Variants in SRSF12 observed in about 807,000 individuals in gnomAD.
SRSF12 encodes serine/arginine-rich splicing factor 12.
SRSF12 carries 21 observed loss-of-function variants against 34.1 expected under a neutral mutation model. The ratio of observed to expected loss-of-function variants is 0.62; its 90% confidence interval spans 0.44 to 0.89. The LOEUF is 0.89. Among genes scored for constraint, SRSF12 ranks in the 40% least tolerant of loss-of-function variants. The pLI is 0.00. For missense variants in SRSF12, 278 were observed against 327.8 expected (o/e 0.85, Z 1.17); for synonymous variants, 111 against 110.8 (o/e 1.00, Z -0.01).
Position 89,099,126 on chromosome 6 carries a change from A to G in SRSF12, c.417-179T>C, listed in dbSNP as rs918769111. Among the ~76,000 whole-genome samples, 10 of 152,212 alleles carry G rather than the reference A, an allele frequency of 6.6e-5. No individual in the cohort carries two copies. In the Middle Eastern group the frequency reaches 0.014, roughly 207 times the overall value. On this transcript the variant is annotated intron_variant, in intron 4 of 4. Coordinates refer to ENST00000452027, the MANE Select transcript of SRSF12 (RefSeq NM_080743.5). ...TTCAAACATAAGTAACAAGTTTGTA[A>G]TATTTGTTATACTAGAATATATGGC...
intron 1 of SRSF12, 91 bp downstream of exon 1, chr6:89,117,711 GGAGGCTCCGCGCAGCTCCCCC>G: frequency 1.8e-6 from 2 of 1,096,110 alleles, no homozygotes; most frequent in Non-Finnish European, 2.4e-6. Flanking sequence ...GGGCCCGCGG[GGAGGCTCCGCGCAGCTCCCCC>G]GAGCCTCCGC....
intron 1 of SRSF12, among the ~76,000 whole-genome samples, chr6:89,110,413 T>A (rs976505212): frequency 4.6e-5 from 7 of 152,166 alleles, no homozygotes; most frequent in Non-Finnish European, 8.8e-5. Flanking sequence ...TTACACCCTA[T>A]GTAAATGAAG....
At position 89,098,815 on chromosome 6, in the gene SRSF12, C is replaced by G. The variant is rs1449429376; in HGVS notation, c.549G>C (p.Lys183Asn). The change falls in exon 5 of 5, where the codon AAG (lysine) becomes AAC (asparagine). Residue 183 changes from lysine to asparagine, a missense_variant. Transcript: ENST00000452027. ...TTGACTTGGACCTCTTTTGTAAGGA[C>G]TTGGACCTTGACCGTCCTCTAGAGC... Reference protein sequence around the residue: ...NFGSRGRSRSKSLQKRSKSIG... With the variant: ...NFGSRGRSRSNSLQKRSKSIG... 1 of 1,613,908 alleles carries G rather than the reference C, an allele frequency of 6.2e-7. No homozygotes were observed. Among genetic ancestry groups the G allele is most frequent in the African/African-American group, 1.3e-5 (1 of 75,008 alleles).
chr6:89,112,779 C>A (rs891492756), intron 1 of SRSF12, among the ~76,000 whole-genome samples: 6 of 152,108 alleles, frequency 3.9e-5, no homozygotes, highest in African/African-American at 1.4e-4. Context: ...CACCACATAA[C>A]AATGTTTCAG....
Position 89,105,187 on chromosome 6 carries a change from G to A in SRSF12, c.348C>T (p.Ser116=). The change falls in exon 4 of 5, where the codon AGC becomes AGT. Residue 116 remains serine, a synonymous_variant. Coordinates refer to ENST00000452027, the MANE Select transcript of SRSF12 (RefSeq NM_080743.5). ...AACTTCTACTTCGAGTTCTTCTTTG[G>A]CTGGGGCTTCTTGATCTCCTGTGAT... ...PSDHRRSRSP[S]QRRTRSRSSS... The A allele has an allele frequency of 6.2e-7, 1 of 1,612,096 alleles. No homozygotes were observed. Among genetic ancestry groups the A allele is most frequent in the Non-Finnish European group, 8.5e-7 (1 of 1,179,032 alleles).
chr6:89,101,308 A>G (rs999128487), intron 4 of SRSF12, among the ~76,000 whole-genome samples: 3 of 152,236 alleles, frequency 2.0e-5, no homozygotes, highest in African/African-American at 7.2e-5. Context: ...ATAGAATTTT[A>G]CAAAACTAAC....
rs371968971 is a variant in SRSF12 at position 89,099,415 on chromosome 6, CAT to C, written c.417-470_417-469del. Among the ~76,000 whole-genome samples, 208 of 140,436 alleles carry C rather than the reference CAT, an allele frequency of 1.5e-3. 7 individuals are homozygous for C. Among genetic ancestry groups the C allele is most frequent in the African/African-American group, 5.5e-3 (193 of 35,036 alleles). 92.1% of individuals were successfully genotyped at this position (140,436 alleles called of 152,430 possible). A position where few individuals can be genotyped will look rare whatever the true frequency, so the allele number is the denominator to read the frequency against. On this transcript the variant is annotated intron_variant, in intron 4 of 4. Coordinates refer to ENST00000452027, the MANE Select transcript of SRSF12 (RefSeq NM_080743.5). ...CTCTCTCTCTCTCCATATATATATA[CAT>C]ATATATATGTGTGTATATATATACA...
chr6:89,107,705 C>T (rs2127993692), intron 1 of SRSF12, among the ~76,000 whole-genome samples: 1 of 152,104 alleles, frequency 6.6e-6, no homozygotes, highest in East Asian at 1.9e-4. Context: ...CACTGCACTC[C>T]ATCCAGCCTG....
At chr6:89,115,385 C>A (rs1000106183) in intron 1 of SRSF12, among the ~76,000 whole-genome samples, 1 of 151,960 alleles carries the variant, frequency 6.6e-6, no homozygotes, top group Non-Finnish European at 1.5e-5. Flanking sequence ...GGGGTTCAAG[C>A]GATTCTCGTG....
chr6:89,103,174 C>G (rs1768615949), intron 4 of SRSF12, among the ~76,000 whole-genome samples: 1 of 152,096 alleles, frequency 6.6e-6, no homozygotes, highest in Non-Finnish European at 1.5e-5. Flanking sequence ...TCCTTCCATC[C>G]CTGATACTCC....
intron 1 of SRSF12, among the ~76,000 whole-genome samples, chr6:89,109,571 A>C (rs1768950843): frequency 6.6e-6 from 1 of 152,164 alleles, no homozygotes; most frequent in Admixed American, 6.6e-5. Context: ...ATCATAGATA[A>C]TATAAAAGAG....
chr6:89,113,630 A>C (rs772471626), intron 1 of SRSF12, among the ~76,000 whole-genome samples: 2 of 152,132 alleles, frequency 1.3e-5, no homozygotes, highest in Non-Finnish European at 2.9e-5. Flanking sequence ...GTTTATAAGC[A>C]TACTAAATGT....
At chr6:89,105,367 C>T in intron 3 of SRSF12, 60 bp downstream of exon 3, 1 of 1,560,840 alleles carries the variant, frequency 6.4e-7, no homozygotes, top group Admixed American at 1.9e-5. Flanking sequence ...ATTAAAAAAT[C>T]AGTCATCACT....
intron 1 of SRSF12, among the ~76,000 whole-genome samples, chr6:89,115,542 A>G (rs755752271): frequency 1.8e-4 from 27 of 151,970 alleles, no homozygotes; most frequent in Non-Finnish European, 2.9e-4. Flanking sequence ...TCGGTCTCCT[A>G]AAGTGCTGGG....
At chr6:89,111,568 A>G (rs1157677698) in intron 1 of SRSF12, among the ~76,000 whole-genome samples, 1 of 152,144 alleles carries the variant, frequency 6.6e-6, no homozygotes, top group Admixed American at 6.5e-5. Flanking sequence ...AGTATTTTCT[A>G]TGTAAGCAAA....
In SRSF12 at chr6:89,097,505, C is replaced by T. The variant is rs1768320168; in HGVS notation, c.*1073G>A. 6.6e-6 allele frequency: 1 copy of T among 151,922 alleles called. No homozygotes were observed. The highest frequency in any genetic ancestry group is 1.5e-5 in the Non-Finnish European group (1 of 68,014). The allele number at this position is 151,922 out of a possible 1,614,324, so 9.4% of individuals were successfully genotyped here. ...AAGTTGTTTTTTGAAGATGTAGTCT[C>T]GAGTTTCTTCTTCTTCTTTTTTTTA... On this transcript the variant is annotated 3_prime_UTR_variant, in exon 5 of 5. Coordinates refer to ENST00000452027, the MANE Select transcript of SRSF12 (RefSeq NM_080743.5).
chr6:89,114,372 G>A (rs954244593), intron 1 of SRSF12, among the ~76,000 whole-genome samples: 1 of 152,186 alleles, frequency 6.6e-6, no homozygotes, highest in Admixed American at 6.5e-5. Flanking sequence ...AGGTTGCAGT[G>A]AGCCGAGATC....
intron 1 of SRSF12, among the ~76,000 whole-genome samples, chr6:89,108,139 T>G (rs1768879973): frequency 6.6e-6 from 1 of 152,186 alleles, no homozygotes; most frequent in Non-Finnish European, 1.5e-5. Context: ...CCTGCTTATG[T>G]GCCTTCTAGT....
chr6:89,117,797 C>A (rs773253902), intron 1 of SRSF12, 26 bp downstream of exon 1: 21 of 1,542,762 alleles, frequency 1.4e-5, no homozygotes, highest in Non-Finnish European at 1.7e-5. Context: ...CCTCCGCGCC[C>A]CCAACCTGCA....
Sources: gnomAD v4.1 joint callset for allele counts (sites outside exome capture counted in the v4.1 genomes callset) on GRCh38, gnomAD v4.1.1 for gene constraint, MANE v1.5 for transcripts, NCBI Gene and HGNC (gene_info 2026-07-23, HGNC 2026-07-21) for gene names.